PKHD1: variants seen among roughly 807,000 people sequenced by gnomAD.
PKHD1 encodes the protein fibrocystin.
PKHD1 carries 291 observed loss-of-function variants against 412.0 expected under a neutral mutation model. The ratio of observed to expected loss-of-function variants is 0.71; its 90% CI spans 0.64 to 0.78. The LOEUF (loss-of-function observed/expected upper bound fraction) is 0.78. Among genes scored for constraint, PKHD1 ranks in the 30% least tolerant of loss-of-function variants. The probability of loss-of-function intolerance (pLI) is 0.00; values close to 1 mark genes in which losing one functional copy is unlikely to be tolerated. For missense variants in PKHD1, 4,825 were observed against 4,950.7 expected (o/e 0.97, Z 0.76); for synonymous variants, 1,777 against 1,821.5 (o/e 0.98, Z 0.62).
chr6:51,702,490 C>T (rs1350230192), intron 60 of PKHD1, among the ~76,000 whole-genome samples: 3 of 151,578 alleles, frequency 2.0e-5, no homozygotes, highest in East Asian at 1.9e-4. Context: ...GTACACTGCT[C>T]GGGTGATGGG....
rs1033829444 is a variant in PKHD1 at position 51,841,491 on chromosome 6, T to G, written c.8108-5022A>C. Among the ~76,000 whole-genome samples, 7 of 152,138 alleles carry G rather than the reference T, an allele frequency of 4.6e-5. No individual in the cohort carries two copies. The South Asian group carries it at 1.5e-3, about 32-fold the overall frequency. On this transcript the variant is annotated intron_variant, in intron 50 of 66. Transcript: ENST00000371117. ...CCAAGAGGCAAAATCCCTTTTCACA[T>G]CCCCAGCCTCTGTTCTGTTATCTAT... is the stretch of plus-strand genomic sequence containing the variant.
intron 53 of PKHD1, among the ~76,000 whole-genome samples, chr6:51,787,961 G>A (rs1374666845): frequency 6.6e-6 from 1 of 152,164 alleles, no homozygotes; most frequent in Non-Finnish European, 1.5e-5. Context: ...AATTGGATGA[G>A]GATTTTACAG....
chr6:51,852,518 A>C (rs887226952), intron 49 of PKHD1, among the ~76,000 whole-genome samples: 1 of 152,140 alleles, frequency 6.6e-6, no homozygotes, highest in Admixed American at 6.5e-5. Context: ...GTCTCCCACT[A>C]TTATTGTGTG....
At chr6:52,004,219 TTTGA>T (rs1406877539) in intron 35 of PKHD1, among the ~76,000 whole-genome samples, 1 of 152,212 alleles carries the variant, frequency 6.6e-6, no homozygotes, top group Non-Finnish European at 1.5e-5. Context: ...TTTGGATAGC[TTTGA>T]TTGTTTTGTC....
intron 35 of PKHD1, among the ~76,000 whole-genome samples, chr6:51,966,795 T>A (rs189725874): frequency 2.6e-5 from 4 of 152,256 alleles, no homozygotes; most frequent in Admixed American, 2.6e-4. Flanking sequence ...ACTAATAGTG[T>A]GCTCTGAAGT....
chr6:51,770,474 A>G (rs1789888133), intron 55 of PKHD1, among the ~76,000 whole-genome samples: 1 of 126,750 alleles, frequency 7.9e-6, no homozygotes, highest in African/African-American at 2.5e-5. Context: ...CTGGTAAAAA[A>G]GTTATAATTA....
At chr6:51,644,936 C>T (rs1453593452) in intron 63 of PKHD1, among the ~76,000 whole-genome samples, 1 of 152,104 alleles carries the variant, frequency 6.6e-6, no homozygotes, top group African/African-American at 2.4e-5. Flanking sequence ...CCTTGGCCTC[C>T]CAAAGTGCTG....
chr6:51,742,817 C>T (rs1784724507), intron 60 of PKHD1, among the ~76,000 whole-genome samples: 1 of 152,052 alleles, frequency 6.6e-6, no homozygotes, highest in African/African-American at 2.4e-5. Context: ...AACAATAAAG[C>T]AAGCACAGTA....
At chr6:51,989,771 A>G (rs192735948) in intron 35 of PKHD1, among the ~76,000 whole-genome samples, 264 of 150,752 alleles carry the variant, frequency 1.8e-3, no homozygotes, top group Middle Eastern at 6.8e-3. Context: ...AGAAAAACAA[A>G]GAATATACAG....
intron 60 of PKHD1, among the ~76,000 whole-genome samples, chr6:51,737,269 CG>C (rs1783974651): frequency 6.6e-6 from 1 of 152,070 alleles, no homozygotes; most frequent in Non-Finnish European, 1.5e-5. Context: ...AAAAGCTTAT[CG>C]TGAGTTTATA....
At position 52,045,045 on chromosome 6, in the gene PKHD1, G is replaced by T; in HGVS notation, c.2636C>A (p.Thr879Lys). The change falls in exon 25 of 67, where the codon ACG (threonine) becomes AAG (lysine). Residue 879 changes from threonine to lysine, a missense_variant. Transcript: ENST00000371117. ...NLTGVNPAAA[T>K]RVVYDGGVFL... ...AACTCCACCATCATATACCACACGC[G>T]TGGCTGCAGCAGGATTCACTCCAGT... is the stretch of plus-strand genomic sequence containing the variant. The T allele has an allele frequency of 1.2e-6, 2 of 1,613,072 alleles. No individual in the cohort carries two copies. The highest frequency in any genetic ancestry group is 1.3e-5 in the African/African-American group (1 of 74,988).
At chr6:51,631,117 C>A (rs1206027207) in intron 65 of PKHD1, among the ~76,000 whole-genome samples, 1 of 152,082 alleles carries the variant, frequency 6.6e-6, no homozygotes, top group Non-Finnish European at 1.5e-5. Flanking sequence ...TAGGGAGAGA[C>A]CCCTGCATGG....
At chr6:51,891,348 C>T (rs780187104) in intron 43 of PKHD1, among the ~76,000 whole-genome samples, 3 of 152,022 alleles carry the variant, frequency 2.0e-5, no homozygotes, top group Non-Finnish European at 2.9e-5. Context: ...GGCACGATCT[C>T]GGCTCACCGC....
At chr6:51,999,490 C>G (rs1798108852) in intron 35 of PKHD1, among the ~76,000 whole-genome samples, 1 of 152,230 alleles carries the variant, frequency 6.6e-6, no homozygotes, top group Non-Finnish European at 1.5e-5. Flanking sequence ...TCTGCGCTAT[C>G]TGGTCAAGGT....
intron 52 of PKHD1, among the ~76,000 whole-genome samples, chr6:51,797,112 C>T (rs1486840747): frequency 6.6e-6 from 1 of 152,078 alleles, no homozygotes; most frequent in Non-Finnish European, 1.5e-5. Context: ...CTGTGCCTGG[C>T]CTTGAATAGA....
rs768277731 is a variant in PKHD1, at chr6:52,024,581, C to T, written c.5229G>A (p.Glu1743=). Reference sequence around the variant, plus strand: ...CTTATTTGCTTGACTTACCGAAGTTCTCCGTCACTGCTGTAATAATAACTC... The same window carrying T: ...CTTATTTGCTTGACTTACCGAAGTTTTCCGTCACTGCTGTAATAATAACTC... ...TSRVIITAVT[E]NFGCLGGRLV... Residue 1743 remains glutamate (E), a synonymous_variant, in exon 32 of 67, where the codon GAG becomes GAA. Transcript: ENST00000371117. 24 of 1,613,870 alleles carry T rather than the reference C, an allele frequency of 1.5e-5. No homozygotes were observed. The highest frequency in any genetic ancestry group is 1.9e-5 in the Non-Finnish European group (22 of 1,179,970).
At chr6:51,736,722 T>A (rs1783899106) in intron 60 of PKHD1, among the ~76,000 whole-genome samples, 1 of 152,044 alleles carries the variant, frequency 6.6e-6, no homozygotes, top group Non-Finnish European at 1.5e-5. Context: ...GGCAGACAAA[T>A]TTTCTAACCG....
intron 61 of PKHD1, among the ~76,000 whole-genome samples, chr6:51,655,990 A>T (rs1771773736): frequency 6.6e-6 from 1 of 152,166 alleles, no homozygotes; most frequent in African/African-American, 2.4e-5. Context: ...ACTACTGGGG[A>T]TATACCCAAA....
intron 33 of PKHD1, among the ~76,000 whole-genome samples, chr6:52,020,212 T>C (rs1801193059): frequency 6.6e-6 from 1 of 152,080 alleles, no homozygotes; most frequent in Non-Finnish European, 1.5e-5. Context: ...AAAGAAATCA[T>C]ATAAATATGA....
Sources: allele counts gnomAD v4.1 joint callset (sites outside exome capture counted in the v4.1 genomes callset), GRCh38; gene constraint gnomAD v4.1.1; transcripts MANE v1.5; gene names NCBI Gene and HGNC (gene_info 2026-07-23, HGNC 2026-07-21).